Variants in FRAS1 observed in about 807,000 individuals in gnomAD.
The protein encoded by FRAS1 is extracellular matrix organizing protein FRAS1.
FRAS1 carries 290 observed loss-of-function variants against 435.2 expected under a neutral mutation model. That is an observed-to-expected ratio of 0.67 (90% confidence interval 0.61 to 0.73). FRAS1 has a LOEUF of 0.73. Ranked by LOEUF, FRAS1 falls within the 30% of genes least tolerant of loss-of-function variation. The pLI is 0.00. For synonymous variants in FRAS1, 1,800 were observed against 1,851.0 expected (o/e 0.97, Z 0.71); for missense variants, 4,860 against 5,001.5 (o/e 0.97, Z 0.85).
chr4:78,234,851 A>G (rs1253202206), intron 2 of FRAS1, among the ~76,000 whole-genome samples: 3 of 151,752 alleles, frequency 2.0e-5, no homozygotes, highest in Non-Finnish European at 4.4e-5. Context: ...TGTTGTGTAT[A>G]TATCCATGTA....
At chr4:78,171,305 A>G (rs1578165239) in intron 2 of FRAS1, among the ~76,000 whole-genome samples, 1 of 152,286 alleles carries the variant, frequency 6.6e-6, no homozygotes, top group African/African-American at 2.4e-5. Context: ...CCACAGGCCT[A>G]TATCTGCCAG....
intron 2 of FRAS1, among the ~76,000 whole-genome samples, chr4:78,161,029 T>A (rs555725050): frequency 6.6e-5 from 10 of 152,028 alleles, no homozygotes; most frequent in Admixed American, 4.6e-4. Context: ...TCCCAGCTAC[T>A]ATGGAAGGTT....
chr4:78,519,515 T>G, intron 67 of FRAS1, 34 bp downstream of exon 67: 1 of 1,595,586 alleles, frequency 6.3e-7, no homozygotes. Flanking sequence ...ATCCCTTTAG[T>G]TAGGGCTTCA....
intron 30 of FRAS1, among the ~76,000 whole-genome samples, chr4:78,404,183 A>T (rs1193490293): frequency 6.6e-6 from 1 of 152,170 alleles, no homozygotes; most frequent in Non-Finnish European, 1.5e-5. Context: ...AGATACGTTC[A>T]TATGAATGAT....
intron 2 of FRAS1, among the ~76,000 whole-genome samples, chr4:78,159,707 C>A (rs1169186054): frequency 2.0e-5 from 3 of 152,050 alleles, no homozygotes; most frequent in Non-Finnish European, 4.4e-5. Flanking sequence ...ATGGTGAAAC[C>A]CCATTTCTAC....
intron 61 of FRAS1, among the ~76,000 whole-genome samples, chr4:78,505,887 T>C (rs944998906): frequency 6.6e-6 from 1 of 152,348 alleles, no homozygotes; most frequent in East Asian, 1.9e-4. Flanking sequence ...TTGGTCTTTG[T>C]TGTTGGTGAC....
At chr4:78,132,007 C>A (rs1359220658) in intron 2 of FRAS1, among the ~76,000 whole-genome samples, 1 of 152,116 alleles carries the variant, frequency 6.6e-6, no homozygotes, top group Non-Finnish European at 1.5e-5. Context: ...CTGTTAAAAC[C>A]CTTCTTTATT....
In FRAS1 at chr4:78,421,992, C is replaced by T. The variant is rs569276768; in HGVS notation, c.4670C>T (p.Ser1557Leu). The T allele has an allele frequency of 7.4e-6, 12 of 1,611,236 alleles. No homozygotes were observed. The Admixed American group carries it at 1.2e-4, about 16-fold the overall frequency. The change falls in exon 34 of 74, where the codon TCG becomes TTG. Residue 1557 changes from serine (S) to leucine (L), a missense_variant. Ser to Leu is a moderately radical substitution (Grantham distance 145). Transcript: ENST00000512123. ...CACCTCCAGGAGCTCATGGCCTTCT[C>T]GTTCGCTGGTAATGCTCTCCTCTCT... The part of the protein sequence containing the change: ...APHLQELMAF[S>L]FAGLPESVKF...
At chr4:78,420,898 ATATATATATATATATATATATATT>A (rs1263422621) in intron 33 of FRAS1, among the ~76,000 whole-genome samples, 1 of 50,834 alleles carries the variant, frequency 2.0e-5, no homozygotes, top group Middle Eastern at 8.9e-3. Flanking sequence ...ATATATATAT[ATATATATATATATATATATATATT>A]TATATAAAGG....
chr4:78,384,266 C>A, intron 28 of FRAS1, 123 bp downstream of exon 28: 1 of 715,024 alleles, frequency 1.4e-6, no homozygotes. Context: ...TTGGTTTCCT[C>A]TTGAGATGCC....
intron 20 of FRAS1, among the ~76,000 whole-genome samples, chr4:78,347,787 G>GTGT (rs1730665024): frequency 5.4e-5 from 3 of 55,086 alleles, no homozygotes; most frequent in East Asian, 1.5e-3. Context: ...GTGTGTGTGT[G>GTGT]TTTTTTTTTT....
rs775632477 is a variant in FRAS1, at chr4:78,496,798, G to A, written c.8959-7G>A. Reference sequence around the variant, plus strand: ...AATTTTAATCTGTCTTGTGCCATTGGCTCTAGGTGAAGAACTGTACGGTCT... The same window carrying A: ...AATTTTAATCTGTCTTGTGCCATTGACTCTAGGTGAAGAACTGTACGGTCT... On this transcript the variant is annotated splice_polypyrimidine_tract_variant and splice_region_variant and intron_variant, in intron 59 of 73. Coordinates refer to ENST00000512123, the MANE Select transcript of FRAS1 (RefSeq NM_025074.7). The A allele has an allele frequency of 6.2e-6, 10 of 1,609,996 alleles. No homozygotes were observed. Among genetic ancestry groups the A allele is most frequent in the East Asian group, 2.2e-5 (1 of 44,722 alleles).
chr4:78,290,263 A>G (rs1056627237), intron 14 of FRAS1, among the ~76,000 whole-genome samples: 4 of 152,210 alleles, frequency 2.6e-5, no homozygotes, highest in Admixed American at 6.5e-5. Context: ...ACGTGTATCA[A>G]TGTTTTGTTT....
At chr4:78,180,887 C>T in intron 2 of FRAS1, 2 of 1,601,658 alleles carry the variant, frequency 1.2e-6, no homozygotes, top group South Asian at 1.1e-5. Flanking sequence ...CTGGGAATGC[C>T]TCTGGGTCAT....
intron 57 of FRAS1, among the ~76,000 whole-genome samples, 155 bp from the exon 58 acceptor site, chr4:78,482,233 G>A (rs560494395): frequency 1.4e-4 from 22 of 152,222 alleles, no homozygotes; most frequent in African/African-American, 4.6e-4. Context: ...AACAAACTCC[G>A]AGTGGCATGT....
chr4:78,203,717 C>T (rs1292522809), intron 2 of FRAS1, among the ~76,000 whole-genome samples: 2 of 152,184 alleles, frequency 1.3e-5, no homozygotes, highest in Non-Finnish European at 2.9e-5. Flanking sequence ...CAGGCGGCTG[C>T]CACCACGCCC....
In FRAS1 at chr4:78,477,770, G is replaced by T. The variant is rs755436037; in HGVS notation, c.7852-45G>T. The T allele has an allele frequency of 4.4e-5, 69 of 1,582,862 alleles. No individual in the cohort carries two copies. In the South Asian group the frequency reaches 7.9e-4, roughly 18 times the overall value. On this transcript the variant is annotated intron_variant, in intron 54 of 73. Transcript: ENST00000512123. ...GATGCCCTGGGGAAGCAGAGCAGGG[G>T]AAGCTGAGGCACAGCTTAACTTCTT...
intron 14 of FRAS1, among the ~76,000 whole-genome samples, chr4:78,307,511 C>G (rs345533): frequency 0.076 from 11,634 of 152,234 alleles, 1,450 homozygotes; most frequent in African/African-American, 0.27. Flanking sequence ...AGCGAGACTC[C>G]GTGGGCGTAG....
At chr4:78,174,793 C>A (rs1721696585) in intron 2 of FRAS1, among the ~76,000 whole-genome samples, 1 of 152,174 alleles carries the variant, frequency 6.6e-6, no homozygotes, top group African/African-American at 2.4e-5. Context: ...CAACAGAACA[C>A]AGTCTAAATC....
Sources: gnomAD v4.1 joint callset for allele counts (sites outside exome capture counted in the v4.1 genomes callset) on GRCh38, gnomAD v4.1.1 for gene constraint, MANE v1.5 for transcripts, NCBI Gene and HGNC (gene_info 2026-07-23, HGNC 2026-07-21) for gene names.